The following STK32A variants were observed in gnomAD, a reference collection of about 807,000 sequenced individuals.
STK32A encodes the protein serine/threonine kinase 32A.
Under a neutral mutation model 53.2 loss-of-function variants are expected in STK32A, and 41 were observed. The observed-to-expected ratio is 0.77, with a 90% CI of 0.60 to 1.00. The LOEUF is 1.00. Ranked by LOEUF, STK32A falls within the 50% of genes least tolerant of loss-of-function variation. The pLI is 0.00. For missense variants in STK32A, 458 were observed against 485.8 expected, an observed-to-expected ratio of 0.94 and a Z score of 0.54; for synonymous variants, 166 against 162.8, an observed-to-expected ratio of 1.02 and a Z score of -0.15.
chr5:147,247,292 T>C (rs1753803801), intron 2 of STK32A, among the ~76,000 whole-genome samples: 1 of 152,224 alleles, frequency 6.6e-6, no homozygotes, highest in African/African-American at 2.4e-5. Flanking sequence ...GGATTTCTAC[T>C]ATGCATTACT....
At chr5:147,359,597 G>A (rs1300640960) in intron 7 of STK32A, among the ~76,000 whole-genome samples, 2 of 152,092 alleles carry the variant, frequency 1.3e-5, no homozygotes, top group Non-Finnish European at 2.9e-5. Context: ...TCTGAGTGAC[G>A]TGTCTGTCAC....
chr5:147,282,627 G>C (rs11950257), intron 4 of STK32A, among the ~76,000 whole-genome samples: 14,416 of 152,090 alleles, frequency 0.095, 726 homozygotes, highest in Middle Eastern at 0.15. Context: ...CACCAAAAGC[G>C]AGGAGGGGTA....
intron 2 of STK32A, 144 bp downstream of exon 2, chr5:147,239,830 T>C (rs1753489390): frequency 1.6e-6 from 1 of 631,828 alleles, no homozygotes; most frequent in Non-Finnish European, 2.8e-6. Context: ...GTCTGAGGAC[T>C]TTGTAGGCTC....
At chr5:147,252,041 A>ATT (rs11426230) in intron 2 of STK32A, among the ~76,000 whole-genome samples, 35 of 149,876 alleles carry the variant, frequency 2.3e-4, no homozygotes, top group African/African-American at 5.4e-4. Flanking sequence ...CATCTCTACC[A>ATT]TTTTTTTTTT....
chr5:147,271,983 A>G (rs367819725), intron 2 of STK32A, among the ~76,000 whole-genome samples: 16 of 152,098 alleles, frequency 1.1e-4, no homozygotes, highest in African/African-American at 3.9e-4. Flanking sequence ...CCTTTTGAAA[A>G]TCCCTAATAA....
At chr5:147,267,842 G>C (rs1754873432) in intron 2 of STK32A, among the ~76,000 whole-genome samples, 1 of 152,036 alleles carries the variant, frequency 6.6e-6, no homozygotes, top group Non-Finnish European at 1.5e-5. Flanking sequence ...GCTACCTTTG[G>C]AACTCCAACC....
intron 2 of STK32A, among the ~76,000 whole-genome samples, chr5:147,249,048 T>C (rs1458168361): frequency 1.3e-5 from 2 of 152,158 alleles, no homozygotes; most frequent in Admixed American, 1.3e-4. Context: ...TGTGGACAAG[T>C]AGCAACTACG....
rs1163955226 is a variant in STK32A at position 147,387,403 on chromosome 5, G to C, written c.*3420G>C. The stretch of plus-strand genomic sequence containing the variant: ...TAGCTAGGCTTCTTCTGATAGGAAA[G>C]TTTCAACCAGAAACCACTAGATGTT... On this transcript the variant is annotated 3_prime_UTR_variant, in exon 13 of 13. Transcript: ENST00000397936. 6.6e-6 allele frequency: 1 copy of C among 152,240 alleles called. No homozygotes were observed. Among genetic ancestry groups the C allele is most frequent in the Non-Finnish European group, 1.5e-5 (1 of 68,046 alleles). 9.4% of individuals were successfully genotyped at this position (152,240 alleles called of 1,614,324 possible).
chr5:147,342,797 G>C (rs1419515306), intron 5 of STK32A: 3 of 546,672 alleles, frequency 5.5e-6, no homozygotes, highest in Non-Finnish European at 9.7e-6. Flanking sequence ...ACTAGCCTGT[G>C]ACCTTGGGTT....
intron 1 of STK32A, among the ~76,000 whole-genome samples, chr5:147,237,851 G>A (rs1343444512): frequency 1.3e-5 from 2 of 152,116 alleles, no homozygotes; most frequent in African/African-American, 2.4e-5. Context: ...CACTTCCTTA[G>A]GGGTTTCATA....
At chr5:147,377,854 T>G (rs1757291393) in intron 11 of STK32A, among the ~76,000 whole-genome samples, 1 of 152,174 alleles carries the variant, frequency 6.6e-6, no homozygotes, top group Non-Finnish European at 1.5e-5. Context: ...TTTTGATGTT[T>G]CTGTTCAGAG....
intron 2 of STK32A, among the ~76,000 whole-genome samples, chr5:147,264,817 T>A (rs979929377): frequency 3.3e-5 from 5 of 152,226 alleles, no homozygotes; most frequent in African/African-American, 1.2e-4. Context: ...TAAAAGTGGT[T>A]GCTCCTTGGC....
chr5:147,373,338 C>G (rs777247353), intron 10 of STK32A, 44 bp downstream of exon 10: 3 of 1,607,354 alleles, frequency 1.9e-6, no homozygotes, highest in Non-Finnish European at 2.6e-6. Flanking sequence ...ATTCAGTGCG[C>G]ATTACCCGGT....
chr5:147,320,869 A>G (rs1375707273), intron 4 of STK32A, among the ~76,000 whole-genome samples: 1 of 152,220 alleles, frequency 6.6e-6, no homozygotes, highest in Non-Finnish European at 1.5e-5. Flanking sequence ...TGGAAAAATA[A>G]ACAGGGCCAG....
At chr5:147,256,281 G>T (rs758731180) in intron 2 of STK32A, among the ~76,000 whole-genome samples, 4 of 152,210 alleles carry the variant, frequency 2.6e-5, no homozygotes, top group Non-Finnish European at 4.4e-5. Context: ...GGGCTGACCT[G>T]CAGGGTACCA....
intron 11 of STK32A, among the ~76,000 whole-genome samples, chr5:147,376,518 A>G (rs765203095): frequency 2.0e-5 from 3 of 152,184 alleles, no homozygotes; most frequent in African/African-American, 4.8e-5. Context: ...CAAGTTTTTA[A>G]AGTTTTAGAA....
In STK32A at chr5:147,324,010, C is replaced by G; in HGVS notation, c.373C>G (p.Leu125Val). ...CCACTTCAAGGAAGAAACAGTGAAG[C>G]TCTTCATCTGTGAGCTGGTCATGGC... ...NVHFKEETVK[L>V]FICELVMALD... Residue 125 changes from leucine to valine, a missense_variant, in exon 5 of 13, where the codon CTC becomes GTC. Transcript: ENST00000397936. The G allele has an allele frequency of 6.2e-7, 1 of 1,611,694 alleles. No individual in the cohort carries two copies.
At chr5:147,280,715 G>A (rs187698640) in intron 4 of STK32A, among the ~76,000 whole-genome samples, 22 of 151,974 alleles carry the variant, frequency 1.4e-4, no homozygotes, top group Admixed American at 3.9e-4. Flanking sequence ...CTCTGGTATC[G>A]GAAAACAAAG....
At chr5:147,244,742 T>C (rs1269231226) in intron 2 of STK32A, among the ~76,000 whole-genome samples, 15 of 152,234 alleles carry the variant, frequency 9.9e-5, no homozygotes, top group Admixed American at 3.3e-4. Context: ...GGAAACTTAT[T>C]TAACCTTTGT....
Sources: gnomAD v4.1 joint callset for allele counts (sites outside exome capture counted in the v4.1 genomes callset) on GRCh38, gnomAD v4.1.1 for gene constraint, MANE v1.5 for transcripts, NCBI Gene and HGNC (gene_info 2026-07-23, HGNC 2026-07-21) for gene names.